The following FUT8 variants were observed in gnomAD, a reference collection of about 807,000 sequenced individuals.
FUT8 encodes fucosyltransferase 8.
In FUT8, 29 loss-of-function variants were observed where a neutral mutation model predicts 71.3. That is an observed-to-expected ratio of 0.41 (90% CI 0.30 to 0.55). The LOEUF (loss-of-function observed/expected upper bound fraction) is 0.55, where lower values mean the gene tolerates loss of function less well. Among genes scored for constraint, FUT8 ranks in the 20% least tolerant of loss-of-function variants. The probability of loss-of-function intolerance (pLI) is 0.34; values close to 1 mark genes in which losing one functional copy is unlikely to be tolerated. For synonymous variants in FUT8, 254 were observed against 239.3 expected, an observed-to-expected ratio of 1.06 and a Z score of -0.57; for missense variants, 544 against 702.1, an observed-to-expected ratio of 0.77 and a Z score of 2.55.
At chr14:65,551,923 A>G (rs1171218982) in intron 2 of FUT8, among the ~76,000 whole-genome samples, 1 of 152,170 alleles carries the variant, frequency 6.6e-6, no homozygotes, top group Non-Finnish European at 1.5e-5. Flanking sequence ...GTGATAAAAT[A>G]GCTTAGTTTC....
At chr14:65,706,992 T>C (rs1024621184) in intron 7 of FUT8, among the ~76,000 whole-genome samples, 1 of 152,202 alleles carries the variant, frequency 6.6e-6, no homozygotes, top group African/African-American at 2.4e-5. Flanking sequence ...GCTGGAAGGT[T>C]GGTATGGTGT....
At chr14:65,361,350 C>A in the FUT8 span, among the ~76,000 whole-genome samples, 2 of 138,830 alleles carry the variant, frequency 1.4e-5, no homozygotes, top group African/African-American at 2.9e-5. Context: ...GAGCAAAACT[C>A]TGTCTCAAAA....
At chr14:65,644,209 A>G (rs907807994) in intron 6 of FUT8, among the ~76,000 whole-genome samples, 2 of 152,144 alleles carry the variant, frequency 1.3e-5, no homozygotes, top group African/African-American at 2.4e-5. Flanking sequence ...CCTGAAACCT[A>G]TTCAACTTCT....
At chr14:65,640,477 C>T (rs953538571) in intron 6 of FUT8, among the ~76,000 whole-genome samples, 2 of 152,010 alleles carry the variant, frequency 1.3e-5, no homozygotes, top group African/African-American at 4.8e-5. Flanking sequence ...TTAATGCCTT[C>T]CTAAATAATG....
chr14:65,528,450 A>G (rs778277182), intron 2 of FUT8, among the ~76,000 whole-genome samples: 7 of 152,200 alleles, frequency 4.6e-5, no homozygotes, highest in Non-Finnish European at 1.0e-4. Context: ...CATCTGTCAC[A>G]GCTTCCCTTG....
chr14:65,690,913 A>G (rs1893547679), intron 7 of FUT8, among the ~76,000 whole-genome samples: 1 of 151,632 alleles, frequency 6.6e-6, no homozygotes. Context: ...TTTAGTAGAG[A>G]TGGGGTTTCA....
chr14:65,453,937 T>C (rs563094456), intron 1 of FUT8, among the ~76,000 whole-genome samples: 2 of 152,326 alleles, frequency 1.3e-5, no homozygotes, highest in Admixed American at 6.5e-5. Flanking sequence ...TGAATTTCCC[T>C]CTTGGCAATG....
chr14:65,524,390 G>A (rs1397861907), intron 2 of FUT8, among the ~76,000 whole-genome samples: 1 of 152,086 alleles, frequency 6.6e-6, no homozygotes, highest in South Asian at 2.1e-4. Context: ...TTATTGGTGT[G>A]TAAGAATGCT....
chr14:65,732,400 G>A (rs762561062), intron 9 of FUT8, among the ~76,000 whole-genome samples: 2 of 152,176 alleles, frequency 1.3e-5, no homozygotes, highest in Non-Finnish European at 2.9e-5. Flanking sequence ...ATAAGTCATG[G>A]TCCTAACCTT....
chr14:65,608,807 A>G (rs1211834016), intron 3 of FUT8, among the ~76,000 whole-genome samples: 7 of 152,020 alleles, frequency 4.6e-5, no homozygotes. Flanking sequence ...GCAGCTGCAC[A>G]GTCCAGCTTT....
intron 7 of FUT8, among the ~76,000 whole-genome samples, chr14:65,698,981 C>T (rs1268075432): frequency 1.3e-5 from 2 of 151,960 alleles, no homozygotes; most frequent in South Asian, 2.1e-4. Context: ...AATTTTAATT[C>T]CTGAAAGCCA....
chr14:65,595,768 C>G (rs185849888), intron 3 of FUT8, among the ~76,000 whole-genome samples: 2 of 152,148 alleles, frequency 1.3e-5, no homozygotes, highest in Admixed American at 1.3e-4. Context: ...GCCACCACCC[C>G]TGGCTAATTT....
chr14:65,534,420 T>C (rs757407477), intron 2 of FUT8, among the ~76,000 whole-genome samples: 24 of 152,000 alleles, frequency 1.6e-4, no homozygotes, highest in Non-Finnish European at 3.2e-4. Context: ...GCTGGCCTTA[T>C]AGAATCATTT....
rs192750087 is a variant in FUT8, at chr14:65,665,615, G to A, written c.598-3628G>A. Among the ~76,000 whole-genome samples the A allele has an allele frequency of 9.5e-4, 145 of 152,188 alleles. 1 individual carries two copies. Among genetic ancestry groups the A allele is most frequent in the African/African-American group, 3.0e-3 (125 of 41,532 alleles). On this transcript the variant is annotated intron_variant, in intron 6 of 10. Coordinates refer to ENST00000673929, the MANE Select transcript of FUT8 (RefSeq NM_001371533.1). The stretch of plus-strand genomic sequence containing the variant: ...ACAAAGGAATATAAATCATTCTACC[G>A]TAAAGATACATGTATGCATATGTTC...
At chr14:65,555,616 C>T (rs916622286) in intron 2 of FUT8, among the ~76,000 whole-genome samples, 2 of 152,138 alleles carry the variant, frequency 1.3e-5, no homozygotes, top group African/African-American at 4.8e-5. Flanking sequence ...TTGGGTTCTT[C>T]CTTTCTGTGC....
rs192522202 is a variant in FUT8 at position 65,514,686 on chromosome 14, C to A, written c.-227-46651C>A. On this transcript the variant is annotated intron_variant, in intron 2 of 10. Transcript: ENST00000673929. ...TATACAAAACTTAGTCAAGTCAAAT[C>A]ACTTCTTTTTTTTTTTTTAAATTTA... Among the ~76,000 whole-genome samples, 8 of 151,836 alleles carry A rather than the reference C, an allele frequency of 5.3e-5. No homozygotes were observed. In the East Asian group the frequency reaches 7.8e-4, roughly 15 times the overall value.
At chr14:65,622,660 G>A (rs528687648) in intron 5 of FUT8, among the ~76,000 whole-genome samples, 1 of 152,310 alleles carries the variant, frequency 6.6e-6, no homozygotes, top group Non-Finnish European at 1.5e-5. Flanking sequence ...GCAATAAGGA[G>A]CTTTGTTTTC....
chr14:65,706,740 A>G (rs970491573), intron 7 of FUT8, among the ~76,000 whole-genome samples: 12 of 152,130 alleles, frequency 7.9e-5, no homozygotes. Flanking sequence ...GCCTGCTCTT[A>G]TGACTTAATT....
At chr14:65,518,338 T>C (rs2139849346) in intron 2 of FUT8, among the ~76,000 whole-genome samples, 1 of 152,228 alleles carries the variant, frequency 6.6e-6, no homozygotes, top group Non-Finnish European at 1.5e-5. Flanking sequence ...TTTTCCTCCA[T>C]GTTAATCTAC....
Sources: gnomAD v4.1 joint callset for allele counts (sites outside exome capture counted in the v4.1 genomes callset) on GRCh38, gnomAD v4.1.1 for gene constraint, MANE v1.5 for transcripts, NCBI Gene and HGNC (gene_info 2026-07-23, HGNC 2026-07-21) for gene names.